FCGR2A: variants seen among roughly 807,000 people sequenced by gnomAD.
FCGR2A encodes Fc gamma receptor IIa.
In FCGR2A, 18 loss-of-function variants were observed where a neutral mutation model predicts 29.3. That is an observed-to-expected ratio of 0.62 (90% confidence interval 0.43 to 0.91). The LOEUF (loss-of-function observed/expected upper bound fraction) is 0.91. Among genes scored for constraint, FCGR2A ranks in the 40% least tolerant of loss-of-function variants. The pLI is 0.00. For missense variants in FCGR2A, 287 were observed against 393.0 expected, an observed-to-expected ratio of 0.73 and a Z score of 2.28; for synonymous variants, 126 against 144.8, an observed-to-expected ratio of 0.87 and a Z score of 0.93.
chr1:161,516,584 C>T (rs761851193), intron 6 of FCGR2A, among the ~76,000 whole-genome samples: 2 of 151,806 alleles, frequency 1.3e-5, no homozygotes, highest in Non-Finnish European at 2.9e-5. Context: ...TTTATTATAC[C>T]TATATAAATA....
intron 3 of FCGR2A, among the ~76,000 whole-genome samples, chr1:161,509,138 G>A (rs1675603753): frequency 6.6e-6 from 1 of 152,220 alleles, no homozygotes; most frequent in Admixed American, 6.5e-5. Context: ...CGCCATGTGA[G>A]GACACAGTAA....
In FCGR2A at chr1:161,506,470, C is replaced by T. The variant is rs2102457030; in HGVS notation, c.243C>T (p.Leu81=). 6.2e-7 allele frequency: 1 copy of T among 1,614,206 alleles called. No individual in the cohort carries two copies. Among genetic ancestry groups the T allele is most frequent in the Non-Finnish European group, 8.5e-7 (1 of 1,180,030 alleles). Residue 81 remains leucine, a synonymous_variant, in exon 3 of 7, where the codon CTC becomes CTT. Coordinates refer to ENST00000271450, the MANE Select transcript of FCGR2A (RefSeq NM_001136219.3). ...TTCAGTGGTTCCACAATGGGAATCT[C>T]ATTCCCACCCACACGCAGCCCAGCT... The part of the protein sequence containing the change: ...DSIQWFHNGN[L]IPTHTQPSYR...
chr1:161,516,654 G>C (rs950122803), intron 6 of FCGR2A, among the ~76,000 whole-genome samples: 7 of 151,502 alleles, frequency 4.6e-5, no homozygotes, highest in Non-Finnish European at 8.8e-5. Flanking sequence ...TTTGATTTTC[G>C]GTAAAAATGG....
intron 2 of FCGR2A, 39 bp from the exon 3 acceptor site, chr1:161,506,295 G>A (rs55684526): frequency 5.0e-6 from 8 of 1,611,876 alleles, no homozygotes; most frequent in South Asian, 1.1e-5. Context: ...GTCCCTTCAG[G>A]GTTATTTATT....
At chr1:161,522,011 T>G (rs1214610542), downstream of FCGR2A, among the ~76,000 whole-genome samples, 1 of 152,064 alleles carries the variant, frequency 6.6e-6, no homozygotes, top group Admixed American at 6.6e-5. Context: ...ACTAAGCTAC[T>G]AAACATAAGT....
At chr1:161,510,689 A>G in intron 4 of FCGR2A, 145 bp from the exon 5 acceptor site, 1 of 1,091,478 alleles carries the variant, frequency 9.2e-7, no homozygotes, top group South Asian at 1.5e-5. Context: ...TGAATCTTGC[A>G]TTGGTGAGTG....
intron 3 of FCGR2A, among the ~76,000 whole-genome samples, chr1:161,509,484 A>C (rs976627446): frequency 2.0e-5 from 3 of 152,156 alleles, no homozygotes; most frequent in Non-Finnish European, 4.4e-5. Flanking sequence ...TAATCCCCAG[A>C]CCACAAAAAC....
Position 161,518,174 on chromosome 1 carries a change from T to G in FCGR2A, c.*26T>G, listed in dbSNP as rs13878. On this transcript the variant is annotated 3_prime_UTR_variant, in exon 7 of 7. Transcript: ENST00000271450. ...AGAGTAACGTTATGCCATGTGGTCA[T>G]ACTCTCAGCTTGCTGAGTGGATGAC... 1 of 1,577,244 alleles carries G rather than the reference T, an allele frequency of 6.3e-7. No individual in the cohort carries two copies. Among genetic ancestry groups the G allele is most frequent in the East Asian group, 2.3e-5 (1 of 42,800 alleles).
chr1:161,508,236 C>T (rs1197452006), intron 3 of FCGR2A, among the ~76,000 whole-genome samples: 1 of 151,984 alleles, frequency 6.6e-6, no homozygotes, highest in Non-Finnish European at 1.5e-5. Context: ...GCAATCCTGA[C>T]TTTAGTTTCT....
intron 6 of FCGR2A, among the ~76,000 whole-genome samples, chr1:161,514,460 T>C (rs2102480799): frequency 6.6e-6 from 1 of 151,168 alleles, no homozygotes; most frequent in South Asian, 2.1e-4. Context: ...CCTTAGATTT[T>C]TCTTTAACAG....
At chr1:161,509,730 G>A (rs1675636269) in intron 3 of FCGR2A, 90 bp from the exon 4 acceptor site, 2 of 1,519,474 alleles carry the variant, frequency 1.3e-6, no homozygotes, top group South Asian at 1.2e-5. Flanking sequence ...CAGACATCAT[G>A]TCAAGTTCTG....
At position 161,506,846 on chromosome 1, in the gene FCGR2A, G is replaced by A. The variant is rs57201048; in HGVS notation, c.364+255G>A. The stretch of plus-strand genomic sequence containing the variant: ...AGTCTTGATTGAGCAAGGGGGTTAC[G>A]AGGCCACAAACAGCTGAGTGTGGGA... On this transcript the variant is annotated intron_variant, in intron 3 of 6. Transcript: ENST00000271450. 4.5e-5 allele frequency: 30 copies of A among 666,328 alleles called. 1 individual carries two copies. The highest frequency in any genetic ancestry group is 2.7e-4 in the African/African-American group (15 of 55,382). The allele number at this position is 666,328 out of a possible 1,614,324, so 41.3% of individuals were successfully genotyped here.
chr1:161,522,363 T>C (rs1676486301), downstream of FCGR2A, among the ~76,000 whole-genome samples: 1 of 152,124 alleles, frequency 6.6e-6, no homozygotes, highest in South Asian at 2.1e-4. Flanking sequence ...GTGAGTGATA[T>C]TGGAAGCATG....
chr1:161,518,175 A>G lies in FCGR2A; in HGVS notation c.*27A>G, dbSNP rs1407828244. The G allele has an allele frequency of 1.9e-6, 3 of 1,603,832 alleles. No individual in the cohort carries two copies. The highest frequency in any genetic ancestry group is 2.6e-6 in the Non-Finnish European group (3 of 1,175,274). On this transcript the variant is annotated 3_prime_UTR_variant, in exon 7 of 7. Coordinates refer to ENST00000271450, the MANE Select transcript of FCGR2A (RefSeq NM_001136219.3). ...GAGTAACGTTATGCCATGTGGTCAT[A>G]CTCTCAGCTTGCTGAGTGGATGACA...
In FCGR2A at chr1:161,510,094, A is replaced by G. The variant is rs1262335471; in HGVS notation, c.619+20A>G. ...TCCAAGGTATGGGGAGTCTGCCAAG[A>G]TGTAGGGAGGGGAGAAGAGGGGATG... On this transcript the variant is annotated intron_variant, in intron 4 of 6. Transcript: ENST00000271450. The G allele has an allele frequency of 1.2e-6, 2 of 1,612,426 alleles. No homozygotes were observed. Among genetic ancestry groups the G allele is most frequent in the Non-Finnish European group, 1.7e-6 (2 of 1,178,552 alleles).
Position 161,507,517 on chromosome 1 carries a change from A to T in FCGR2A, c.364+926A>T, listed in dbSNP as rs546661570. On this transcript the variant is annotated intron_variant, in intron 3 of 6. Coordinates refer to ENST00000271450, the MANE Select transcript of FCGR2A (RefSeq NM_001136219.3). ...TGCACTCTTGGTGCATAAACCCTGG[A>T]GATGGTCACAGGTAAACATTCAGTG... is the stretch of plus-strand genomic sequence containing the variant. 6.0e-4 allele frequency among the ~76,000 whole-genome samples: 91 copies of T among 152,334 alleles called. 3 individuals are homozygous for T. In the South Asian group the frequency reaches 0.019, roughly 32 times the overall value.
Position 161,518,161 on chromosome 1 carries a change from T to C in FCGR2A, c.*13T>C, listed in dbSNP as rs1310089257. The C allele has an allele frequency of 1.2e-6, 2 of 1,611,998 alleles. No individual in the cohort carries two copies. The highest frequency in any genetic ancestry group is 2.2e-5 in the East Asian group (1 of 44,570). On this transcript the variant is annotated 3_prime_UTR_variant, in exon 7 of 7. Transcript: ENST00000271450. The stretch of plus-strand genomic sequence containing the variant: ...CAGTAATAACTAAAGAGTAACGTTA[T>C]GCCATGTGGTCATACTCTCAGCTTG...
chr1:161,513,621 C>G (rs2102478368), intron 5 of FCGR2A: 1 of 555,326 alleles, frequency 1.8e-6, no homozygotes, highest in East Asian at 2.9e-5. Context: ...GTCTGGTTTG[C>G]TTCTAGGAAA....
downstream of FCGR2A, among the ~76,000 whole-genome samples, chr1:161,520,533 A>C (rs1676411651): frequency 1.3e-5 from 2 of 151,896 alleles, no homozygotes; most frequent in Admixed American, 6.6e-5. Flanking sequence ...GCCAAACCAT[A>C]TCACCCTAGA....
Sources: allele counts gnomAD v4.1 joint callset (sites outside exome capture counted in the v4.1 genomes callset), GRCh38; gene constraint gnomAD v4.1.1; transcripts MANE v1.5; gene names NCBI Gene and HGNC (gene_info 2026-07-23, HGNC 2026-07-21).